Variants in PDE7A observed in about 807,000 individuals in gnomAD.
PDE7A encodes phosphodiesterase 7A, also known as high affinity 3',5'-cyclic-AMP phosphodiesterase 7A.
A neutral mutation model predicts 64.3 loss-of-function variants in PDE7A; 39 were observed. That is an observed-to-expected ratio of 0.61 (90% CI 0.47 to 0.79). The LOEUF is 0.79. Ranked by LOEUF, PDE7A falls within the 30% of genes least tolerant of loss-of-function variation. PDE7A has a pLI of 0.00. For missense variants in PDE7A, 470 were observed against 582.8 expected, an observed-to-expected ratio of 0.81 and a Z score of 1.99; for synonymous variants, 203 against 206.8, an observed-to-expected ratio of 0.98 and a Z score of 0.16.
At chr8:65,840,903 C>T (rs547124221) in intron 1 of PDE7A, among the ~76,000 whole-genome samples, 2 of 152,324 alleles carry the variant, frequency 1.3e-5, no homozygotes, top group East Asian at 3.9e-4. Flanking sequence ...CAGAGGGAAC[C>T]GCAGGACCAG....
At chr8:65,750,474 C>CTGTGTG (rs371620919) in intron 3 of PDE7A, among the ~76,000 whole-genome samples, 10,096 of 142,388 alleles carry the variant, frequency 0.071, 386 homozygotes, top group African/African-American at 0.08. Flanking sequence ...ATTAGAATCA[C>CTGTGTG]TGTGTGTGTG....
chr8:65,731,063 G>A (rs527736793), intron 7 of PDE7A, among the ~76,000 whole-genome samples: 49 of 152,320 alleles, frequency 3.2e-4, no homozygotes, highest in Admixed American at 1.6e-3. Flanking sequence ...TGCTGTTTTA[G>A]GGGACAGGTA....
Position 65,841,631 on chromosome 8 carries a change from AC to A in PDE7A, c.-124del, listed in dbSNP as rs1459555430. 3 of 259,172 alleles carry A rather than the reference AC, an allele frequency of 1.2e-5. No individual in the cohort carries two copies. The highest frequency in any genetic ancestry group is 2.4e-5 in the African/African-American group (1 of 41,874). 16.1% of individuals were successfully genotyped at this position (259,172 alleles called of 1,614,324 possible). A position where few individuals can be genotyped will look rare whatever the true frequency, so the allele number is the denominator to read the frequency against. ...ACGGGGGCAGGGCGGGCGGGGACCGACCCCGGGCTGGGAAGCCGCGCTCACG... is the reference window on the plus strand; with the variant it reads ...ACGGGGGCAGGGCGGGCGGGGACCGACCCGGGCTGGGAAGCCGCGCTCACG... On this transcript the variant is annotated 5_prime_UTR_variant, in exon 1 of 13. Transcript: ENST00000401827.
At chr8:65,809,257 A>G (rs1448284271) in intron 1 of PDE7A, among the ~76,000 whole-genome samples, 1 of 152,222 alleles carries the variant, frequency 6.6e-6, no homozygotes, top group Non-Finnish European at 1.5e-5. Flanking sequence ...ATAAACATTA[A>G]AAGTCTTATA....
At chr8:65,816,120 C>T (rs1268960120) in intron 1 of PDE7A, among the ~76,000 whole-genome samples, 1 of 152,112 alleles carries the variant, frequency 6.6e-6, no homozygotes, top group East Asian at 1.9e-4. Flanking sequence ...TAATATTTAG[C>T]TCTTTTCTCA....
At chr8:65,722,189 C>T (rs1806409849) in intron 12 of PDE7A, 1 of 152,152 alleles carries the variant, frequency 6.6e-6, no homozygotes, top group Admixed American at 6.6e-5. Context: ...TACTATCCTC[C>T]CAAAAGAAAA....
chr8:65,765,264 C>T (rs1442150252), intron 3 of PDE7A, among the ~76,000 whole-genome samples: 2 of 151,516 alleles, frequency 1.3e-5, no homozygotes, highest in East Asian at 1.9e-4. Flanking sequence ...CCGAGGCGGG[C>T]GGATCACGAG....
At chr8:65,745,878 T>A (rs188279477) in intron 4 of PDE7A, among the ~76,000 whole-genome samples, 1 of 152,054 alleles carries the variant, frequency 6.6e-6, no homozygotes, top group Non-Finnish European at 1.5e-5. Flanking sequence ...CAGGTACTGT[T>A]ATAAGTTACT....
At chr8:65,761,195 A>G (rs1490876765) in intron 3 of PDE7A, among the ~76,000 whole-genome samples, 2 of 152,132 alleles carry the variant, frequency 1.3e-5, no homozygotes, top group East Asian at 3.9e-4. Context: ...CCTCCCGAGT[A>G]GCTGGGATTA....
chr8:65,835,012 T>A (rs537670735), intron 1 of PDE7A, among the ~76,000 whole-genome samples: 21 of 152,252 alleles, frequency 1.4e-4, no homozygotes, highest in Admixed American at 3.3e-4. Flanking sequence ...TATTTGTGAA[T>A]AACCTTTTGA....
intron 1 of PDE7A, among the ~76,000 whole-genome samples, chr8:65,826,704 G>C (rs1298099480): frequency 1.3e-5 from 2 of 152,206 alleles, no homozygotes; most frequent in Non-Finnish European, 2.9e-5. Flanking sequence ...AAAACCATCT[G>C]TAATAGTTTC....
At chr8:65,838,030 TAAAAA>T (rs572753100) in intron 1 of PDE7A, among the ~76,000 whole-genome samples, 2 of 143,270 alleles carry the variant, frequency 1.4e-5, no homozygotes, top group African/African-American at 5.1e-5. Context: ...AAATATTTCT[TAAAAA>T]AAAAAAAAGA....
intron 2 of PDE7A, among the ~76,000 whole-genome samples, chr8:65,782,329 A>G (rs755121615): frequency 6.6e-6 from 1 of 152,220 alleles, no homozygotes; most frequent in Non-Finnish European, 1.5e-5. Context: ...ATTGACTAAT[A>G]TATAAAAAAT....
At chr8:65,801,690 T>C (rs1809991279) in intron 1 of PDE7A, among the ~76,000 whole-genome samples, 1 of 152,160 alleles carries the variant, frequency 6.6e-6, no homozygotes, top group East Asian at 1.9e-4. Context: ...TTGATAACCA[T>C]CAGCTAGGAG....
rs191390711 is a variant in PDE7A, at chr8:65,723,281, G to A, written c.1243+260C>T. 1,387 of 220,138 alleles carry A rather than the reference G, an allele frequency of 6.3e-3. 12 individuals are homozygous for A. Among genetic ancestry groups the A allele is most frequent in the South Asian group, 0.029 (164 of 5,692 alleles). 13.6% of individuals were successfully genotyped at this position (220,138 alleles called of 1,614,324 possible). Reference sequence around the variant, plus strand: ...ATGCAAAAGAAGCTTCCACATGAGCGAATAATGGATTCTTATTTACATAAG... The same window carrying A: ...ATGCAAAAGAAGCTTCCACATGAGCAAATAATGGATTCTTATTTACATAAG... On this transcript the variant is annotated intron_variant, in intron 12 of 12. Coordinates refer to ENST00000401827, the MANE Select transcript of PDE7A (RefSeq NM_001242318.3).
chr8:65,723,788 TAGA>T (rs1189970117), intron 11 of PDE7A, among the ~76,000 whole-genome samples, 167 bp from the exon 12 acceptor site: 4 of 152,196 alleles, frequency 2.6e-5, no homozygotes, highest in Non-Finnish European at 1.5e-5. Flanking sequence ...TATTTACACA[TAGA>T]AGAGATTGCC....
At chr8:65,826,540 C>CT (rs1810678763) in intron 1 of PDE7A, among the ~76,000 whole-genome samples, 1 of 152,202 alleles carries the variant, frequency 6.6e-6, no homozygotes, top group Non-Finnish European at 1.5e-5. Context: ...TTGCAACTGT[C>CT]TATTTACAAA....
At chr8:65,730,006 G>T (rs1563473561) in intron 7 of PDE7A, among the ~76,000 whole-genome samples, 1 of 151,760 alleles carries the variant, frequency 6.6e-6, no homozygotes, top group Non-Finnish European at 1.5e-5. Context: ...ACCGGTACTG[G>T]TCCATGGCCT....
At position 65,719,460 on chromosome 8, in the gene PDE7A, C is replaced by T; in HGVS notation, c.1279G>A (p.Glu427Lys). 6.2e-7 allele frequency: 1 copy of T among 1,614,020 alleles called. No individual in the cohort carries two copies. Among genetic ancestry groups the T allele is most frequent in the South Asian group, 1.1e-5 (1 of 91,084 alleles). ...MTYLVEPLFT[E>K]WARFSNTRLS... ...CTTGTATTGGAAAACCTGGCCCATT[C>T]TGTAAATAAAGGCTCCACTAGGTAA... Residue 427 changes from glutamate (E) to lysine (K), a missense_variant, in exon 13 of 13, where the codon GAA (glutamate) becomes AAA (lysine). Transcript: ENST00000401827.
Sources: gnomAD v4.1 joint callset for allele counts (sites outside exome capture counted in the v4.1 genomes callset) on GRCh38, gnomAD v4.1.1 for gene constraint, MANE v1.5 for transcripts, NCBI Gene and HGNC (gene_info 2026-07-23, HGNC 2026-07-21) for gene names.